Variants in CLASP1 observed in about 807,000 individuals in gnomAD.
CLASP1 encodes the protein cytoplasmic linker associated protein 1.
Under a neutral mutation model 192.3 loss-of-function variants are expected in CLASP1, and 38 were observed. The ratio of observed to expected loss-of-function variants is 0.20; its 90% CI spans 0.15 to 0.26. CLASP1 has a LOEUF of 0.26. Among genes scored for constraint, CLASP1 ranks in the 10% least tolerant of loss-of-function variants. The pLI, the probability that CLASP1 is intolerant of heterozygous loss-of-function variation, is 1.00. For synonymous variants in CLASP1, 691 were observed against 712.8 expected (o/e 0.97, Z 0.49); for missense variants, 1,433 against 1,932.5 (o/e 0.74, Z 4.85).
intron 2 of CLASP1, among the ~76,000 whole-genome samples, chr2:121,544,094 A>T (rs1575834621): frequency 6.6e-6 from 1 of 152,334 alleles, no homozygotes; most frequent in South Asian, 2.1e-4. Context: ...AACCAAGAAC[A>T]CTAAGTTTAT....
chr2:121,491,197 C>A (rs1308688021), intron 8 of CLASP1, among the ~76,000 whole-genome samples: 2 of 152,136 alleles, frequency 1.3e-5, no homozygotes, highest in South Asian at 2.1e-4. Flanking sequence ...CAAAATGATA[C>A]CCTGTACATT....
intron 37 of CLASP1, among the ~76,000 whole-genome samples, chr2:121,352,046 G>A (rs2064537584): frequency 6.6e-6 from 1 of 152,234 alleles, no homozygotes. Flanking sequence ...GGCAGAGTGA[G>A]GGTAGTCTGT....
intron 2 of CLASP1, among the ~76,000 whole-genome samples, chr2:121,544,907 C>CTTTTTTTTTTTTTTTTTTTT (rs3078562): frequency 8.1e-6 from 1 of 122,880 alleles, no homozygotes; most frequent in Non-Finnish European, 1.8e-5. Flanking sequence ...CTTTTCTTTT[C>CTTTTTTTTTTTTTTTTTTTT]TTTTTTTTTT....
intron 22 of CLASP1, among the ~76,000 whole-genome samples, chr2:121,421,736 T>TCTC (rs1219427222): frequency 6.6e-6 from 1 of 151,960 alleles, no homozygotes; most frequent in Non-Finnish European, 1.5e-5. Context: ...AGAGATGGGG[T>TCTC]TTTGCCATGG....
In CLASP1 at chr2:121,577,969, G is replaced by C. The variant is rs554082457; in HGVS notation, c.195+27732C>G. 3.9e-5 allele frequency among the ~76,000 whole-genome samples: 6 copies of C among 152,114 alleles called. No individual in the cohort carries two copies. In the South Asian group the frequency reaches 1.0e-3, roughly 26 times the overall value. On this transcript the variant is annotated intron_variant, in intron 2 of 39. Transcript: ENST00000263710. ...ACTGATTGAGAAAGAGTCTCACTCT[G>C]TCACCCAGGCTAGAGGGCAGTGGTA...
At chr2:121,368,923 T>C (rs983585353) in intron 34 of CLASP1, among the ~76,000 whole-genome samples, 3 of 152,184 alleles carry the variant, frequency 2.0e-5, no homozygotes, top group East Asian at 1.9e-4. Context: ...ATCACCACTA[T>C]GTATACCCAA....
chr2:121,645,092 C>G (rs890432739), intron 1 of CLASP1, among the ~76,000 whole-genome samples: 2 of 152,146 alleles, frequency 1.3e-5, no homozygotes, highest in African/African-American at 2.4e-5. Flanking sequence ...ATGTTATTGT[C>G]TCCCTAACTA....
chr2:121,531,053 T>G (rs1004171347), intron 2 of CLASP1: 5 of 697,630 alleles, frequency 7.2e-6, no homozygotes, highest in Non-Finnish European at 1.3e-5. Flanking sequence ...CAGCAGTAAT[T>G]CGTAAATAAA....
intron 2 of CLASP1, among the ~76,000 whole-genome samples, chr2:121,583,717 C>T (rs541018527): frequency 9.9e-5 from 15 of 152,214 alleles, no homozygotes; most frequent in African/African-American, 2.9e-4. Flanking sequence ...TATTCTCTTT[C>T]GTTCTTCACT....
At chr2:121,500,392 G>GAAAGAA (rs1425153159) in intron 8 of CLASP1, among the ~76,000 whole-genome samples, 1 of 112,202 alleles carries the variant, frequency 8.9e-6, no homozygotes, top group African/African-American at 3.4e-5. Flanking sequence ...AAGAAAGAAA[G>GAAAGAA]AAAGAAAAGA....
intron 23 of CLASP1, among the ~76,000 whole-genome samples, chr2:121,416,555 G>A (rs1177129211): frequency 1.3e-5 from 2 of 152,136 alleles, no homozygotes; most frequent in Non-Finnish European, 2.9e-5. Flanking sequence ...AGGATGTGTA[G>A]TAAGCTCCCC....
At chr2:121,435,964 T>G (rs576766557) in intron 19 of CLASP1, among the ~76,000 whole-genome samples, 2 of 152,310 alleles carry the variant, frequency 1.3e-5, no homozygotes, top group South Asian at 4.1e-4. Context: ...GCAGTTAATC[T>G]TTGGCTTTCC....
chr2:121,423,839 A>G lies in CLASP1; in HGVS notation c.2212+1300T>C, dbSNP rs141320261. On this transcript the variant is annotated intron_variant, in intron 22 of 39. Coordinates refer to ENST00000263710, the Ensembl canonical transcript of CLASP1. Reference sequence around the variant, plus strand: ...TACTTGCTTTGGAAATAGGATTTCAAATCAAATCTTATCCATTCTTAAATA... The same window carrying G: ...TACTTGCTTTGGAAATAGGATTTCAGATCAAATCTTATCCATTCTTAAATA... Among the ~76,000 whole-genome samples the G allele has an allele frequency of 2.6e-5, 4 of 152,356 alleles. No individual in the cohort carries two copies. In the East Asian group the frequency reaches 7.7e-4, roughly 29 times the overall value.
At chr2:121,434,457 G>T (rs1273397021) in intron 19 of CLASP1, among the ~76,000 whole-genome samples, 1 of 151,580 alleles carries the variant, frequency 6.6e-6, no homozygotes, top group Non-Finnish European at 1.5e-5. Flanking sequence ...TAGAGATGGG[G>T]GTCTCACTAT....
At chr2:121,503,523 C>G (rs2093830700) in intron 7 of CLASP1, among the ~76,000 whole-genome samples, 1 of 152,188 alleles carries the variant, frequency 6.6e-6, no homozygotes, top group Non-Finnish European at 1.5e-5. Flanking sequence ...GAGTAGTAAT[C>G]CAGAGCCCCT....
chr2:121,571,406 C>T (rs1287667331), intron 2 of CLASP1, among the ~76,000 whole-genome samples: 1 of 152,100 alleles, frequency 6.6e-6, no homozygotes, highest in Non-Finnish European at 1.5e-5. Flanking sequence ...GTTGCCCAAG[C>T]TAATATAATT....
intron 7 of CLASP1, among the ~76,000 whole-genome samples, chr2:121,506,902 T>A (rs1264525411): frequency 6.6e-6 from 1 of 151,980 alleles, no homozygotes; most frequent in East Asian, 1.9e-4. Flanking sequence ...TTCAGGAAAG[T>A]CACTAGAACA....
At chr2:121,403,858 G>A (rs374328201) in intron 26 of CLASP1, 84 of 452,668 alleles carry the variant, frequency 1.9e-4, no homozygotes, top group Non-Finnish European at 3.1e-4. Flanking sequence ...AGTGATCCCC[G>A]TTCAGCAAAT....
chr2:121,648,847 G>A (rs1324811093), intron 1 of CLASP1, among the ~76,000 whole-genome samples: 2 of 152,236 alleles, frequency 1.3e-5, no homozygotes, highest in African/African-American at 4.8e-5. Context: ...GGCGCCGCTC[G>A]CGCAGCTTTT....
Sources: allele counts gnomAD v4.1 joint callset (sites outside exome capture counted in the v4.1 genomes callset), GRCh38; gene constraint gnomAD v4.1.1; transcripts MANE v1.5; gene names NCBI Gene and HGNC (gene_info 2026-07-23, HGNC 2026-07-21).